KIF4A: variants seen among roughly 807,000 people sequenced by gnomAD.
The protein encoded by KIF4A is chromosome-associated kinesin KIF4A.
A neutral mutation model predicts 105.9 loss-of-function variants in KIF4A; 7 were observed. That is an observed-to-expected ratio of 0.07 (90% CI 0.04 to 0.12). KIF4A has a LOEUF of 0.12. Among genes scored for constraint, KIF4A ranks in the 10% least tolerant of loss-of-function variants. The pLI is 1.00. For missense variants in KIF4A, 558 were observed against 929.2 expected (o/e 0.60, Z 5.19); for synonymous variants, 281 against 331.3 (o/e 0.85, Z 1.65).
Position 70,375,368 on chromosome X carries a change from G to T in KIF4A, c.1923+20G>T, listed in dbSNP as rs373002016. On this transcript the variant is annotated intron_variant, in intron 17 of 30. Coordinates refer to ENST00000374403, the MANE Select transcript of KIF4A (RefSeq NM_012310.5). ...ATACGGGTAATAAATTCTCATCCTT[G>T]CATTTACCCCCATTGGAATTTACAA... The T allele has an allele frequency of 3.3e-6, 4 of 1,196,303 alleles. No individual in the cohort carries two copies. The highest frequency in any genetic ancestry group is 5.9e-5 in the East Asian group (2 of 33,701).
chrX:70,349,690 G>A (rs1203226589), intron 13 of KIF4A, among the ~76,000 whole-genome samples: 5 of 83,881 alleles, frequency 6.0e-5, no homozygotes, highest in East Asian at 4.1e-4. Flanking sequence ...CTTCCTAGTC[G>A]GGGTGGCGGC....
Position 70,407,019 on chromosome X carries a change from G to A in KIF4A, c.3199G>A (p.Asp1067Asn). The A allele has an allele frequency of 8.3e-7, 1 of 1,208,762 alleles. No individual in the cohort carries two copies. The highest frequency in any genetic ancestry group is 3.0e-5 in the East Asian group (1 of 33,739). The change falls in exon 28 of 31, where the codon GAC becomes AAC. Residue 1067 changes from aspartate (D) to asparagine (N), a missense_variant. This residue lies in a region of KIF4A where 469 missense variants were observed against 680.4 expected (regional missense o/e 0.69). Coordinates refer to ENST00000374403, the MANE Select transcript of KIF4A (RefSeq NM_012310.5). ...DGDGDDDEGD[D>N]EEWKPTKLVK... is the part of the protein sequence containing the mutation. ...TGATGGTGATGATGATGAGGGGGAT[G>A]ACGAGGAATGGAAGCCAACAAAATT...
At chrX:70,396,575 T>C (rs890296851) in intron 22 of KIF4A, among the ~76,000 whole-genome samples, 10 of 111,822 alleles carry the variant, frequency 8.9e-5, no homozygotes, top group African/African-American at 3.3e-4. Context: ...TCAGGCACCA[T>C]AATTTTTGAT....
chrX:70,400,277 GT>G (rs1191505216), intron 22 of KIF4A, among the ~76,000 whole-genome samples: 1 of 108,713 alleles, frequency 9.2e-6, no homozygotes, highest in Non-Finnish European at 1.9e-5. Flanking sequence ...GCGGTGTTTG[GT>G]TTTTTTGTTC....
At chrX:70,295,622 A>G (rs1390345489) in intron 3 of KIF4A, among the ~76,000 whole-genome samples, 1 of 110,845 alleles carries the variant, frequency 9.0e-6, no homozygotes, top group Non-Finnish European at 1.9e-5. Flanking sequence ...AACACAAAAA[A>G]TTTACCATCC....
chrX:70,293,662 A>G (rs2085769552), intron 3 of KIF4A, among the ~76,000 whole-genome samples: 1 of 112,425 alleles, frequency 8.9e-6, no homozygotes, highest in Admixed American at 9.4e-5. Context: ...AAAGCATGTT[A>G]CTGTACTGAA....
At chrX:70,347,348 T>C (rs1771187524) in intron 13 of KIF4A, among the ~76,000 whole-genome samples, 1 of 112,233 alleles carries the variant, frequency 8.9e-6, no homozygotes, top group Admixed American at 9.4e-5. Context: ...GAAATAAATC[T>C]TATTGTCATA....
At chrX:70,367,068 C>G (rs1213551869) in intron 15 of KIF4A, among the ~76,000 whole-genome samples, 3 of 110,586 alleles carry the variant, frequency 2.7e-5, no homozygotes, top group African/African-American at 9.9e-5. Flanking sequence ...GACTAGGATT[C>G]CAACCCTTGC....
In KIF4A at chrX:70,406,894, C is replaced by T; in HGVS notation, c.3074C>T (p.Pro1025Leu). 1 of 1,210,767 alleles carries T rather than the reference C, an allele frequency of 8.3e-7. No homozygotes were observed. The highest frequency in any genetic ancestry group is 1.1e-6 in the Non-Finnish European group (1 of 895,121). ...DSSFEYVPPK[P>L]KPSRVKEKFL... The stretch of plus-strand genomic sequence containing the variant: ...ACTACTCCAAACCTTTTTTCCTAGC[C>T]AAAACCTTCTCGTGTTAAAGAAAAG... The change falls in exon 28 of 31, where the codon CCA becomes CTA. Residue 1025 changes from proline (P) to leucine (L), a missense_variant and splice_region_variant. Physicochemically the swap from Pro to Leu is moderately conservative, Grantham distance 98. Transcript: ENST00000374403.
chrX:70,362,850 T>C (rs1374716939), intron 15 of KIF4A, among the ~76,000 whole-genome samples: 1 of 112,429 alleles, frequency 8.9e-6, no homozygotes, highest in Non-Finnish European at 1.9e-5. Context: ...ATTCTTAATA[T>C]AATCAATATG....
intron 7 of KIF4A, among the ~76,000 whole-genome samples, chrX:70,324,478 AC>A (rs1352727308): frequency 9.0e-6 from 1 of 111,586 alleles, no homozygotes; most frequent in African/African-American, 3.3e-5. Flanking sequence ...CTCTTCTCTC[AC>A]CTTTCACATC....
chrX:70,413,111 G>A (rs1364375570), intron 28 of KIF4A, among the ~76,000 whole-genome samples: 3 of 111,928 alleles, frequency 2.7e-5, no homozygotes, highest in Non-Finnish European at 3.8e-5. Context: ...GTATTTATTC[G>A]TTTGACAAAT....
At chrX:70,328,141 C>G (rs2085917409) in intron 7 of KIF4A, among the ~76,000 whole-genome samples, 1 of 111,716 alleles carries the variant, frequency 9.0e-6, no homozygotes, top group African/African-American at 3.3e-5. Flanking sequence ...GTAGAGCTAA[C>G]AATAATGATA....
rs1470300678 is a variant in KIF4A at position 70,373,537 on chromosome X, T to C, written c.1675-614T>C. ...ATGTGTGTGTATGTATATATATATA[T>C]ATATATATATATATATATACGTATA... On this transcript the variant is annotated intron_variant, in intron 15 of 30. Coordinates refer to ENST00000374403, the MANE Select transcript of KIF4A (RefSeq NM_012310.5). Among the ~76,000 whole-genome samples, 2 of 35,362 alleles carry C rather than the reference T, an allele frequency of 5.7e-5. 1 individual carries two copies. Among genetic ancestry groups the C allele is most frequent in the African/African-American group, 5.0e-4 (2 of 4,012 alleles). The allele number at this position is 35,362 out of a possible 115,157, so 30.7% of individuals were successfully genotyped here. A position where few individuals can be genotyped will look rare whatever the true frequency, so the allele number is the denominator to read the frequency against.
Position 70,403,870 on chromosome X carries a change from T to A in KIF4A, c.2626T>A (p.Ser876Thr). Reference sequence around the variant, plus strand: ...CTTCTTTTATTCCTTCCAGCTGGTCTCCTCCAAAATACAGGTCAGCAAACT... The same window carrying A: ...CTTCTTTTATTCCTTCCAGCTGGTCACCTCCAAAATACAGGTCAGCAAACT... Reference protein sequence around the residue: ...ALKYLIGELVSSKIQVSKLES... With the variant: ...ALKYLIGELVTSKIQVSKLES... Residue 876 changes from serine (S) to threonine (T), a missense_variant, in exon 24 of 31, where the codon TCC becomes ACC. By Grantham distance (58) the Ser-to-Thr change is moderately conservative. Coordinates refer to ENST00000374403, the MANE Select transcript of KIF4A (RefSeq NM_012310.5). The A allele has an allele frequency of 3.3e-6, 4 of 1,204,667 alleles. No individual in the cohort carries two copies. Among genetic ancestry groups the A allele is most frequent in the Non-Finnish European group, 4.5e-6 (4 of 891,076 alleles).
At chrX:70,413,327 A>G (rs1166201226) in intron 28 of KIF4A, among the ~76,000 whole-genome samples, 2 of 112,292 alleles carry the variant, frequency 1.8e-5, no homozygotes, top group African/African-American at 6.5e-5. Context: ...GGGATGGGAA[A>G]AGAGCACTTT....
Position 70,420,262 on chromosome X carries a change from C to T in KIF4A, c.3696C>T (p.His1232=). The change falls in exon 31 of 31, where the codon CAC becomes CAT. Residue 1232 remains histidine (H), a synonymous_variant. Coordinates refer to ENST00000374403, the MANE Select transcript of KIF4A (RefSeq NM_012310.5). ...SGCSPIEEEA[H] Reference sequence around the variant, plus strand: ...GCTCCCCTATCGAAGAAGAGGCCCACTGAAGTTGGAGTCATCATCTCTACC... The same window carrying T: ...GCTCCCCTATCGAAGAAGAGGCCCATTGAAGTTGGAGTCATCATCTCTACC... 8.3e-7 allele frequency: 1 copy of T among 1,205,492 alleles called. No individual in the cohort carries two copies. The highest frequency in any genetic ancestry group is 1.1e-6 in the Non-Finnish European group (1 of 893,454).
At chrX:70,392,939 C>A (rs1207485801) in intron 20 of KIF4A, among the ~76,000 whole-genome samples, 1 of 101,868 alleles carries the variant, frequency 9.8e-6, no homozygotes, top group Non-Finnish European at 2.0e-5. Flanking sequence ...TGGCTCACTG[C>A]AAGCTCCGCC....
At chrX:70,298,130 G>T (rs2085790548) in intron 4 of KIF4A, among the ~76,000 whole-genome samples, 1 of 110,354 alleles carries the variant, frequency 9.1e-6, no homozygotes, top group Non-Finnish European at 1.9e-5. Flanking sequence ...GATTAGCCAG[G>T]TGAGGTGGTG....
Sources: allele counts gnomAD v4.1 joint callset (sites outside exome capture counted in the v4.1 genomes callset), GRCh38; gene constraint gnomAD v4.1.1; regional missense constraint gnomAD v4.1.1; transcripts MANE v1.5; gene names NCBI Gene and HGNC (gene_info 2026-07-23, HGNC 2026-07-21).